The following XRN1 variants were observed in gnomAD, a reference collection of about 807,000 sequenced individuals.
The protein encoded by XRN1 is strand-exchange protein 1 homolog.
In XRN1, 67 loss-of-function variants were observed where a neutral mutation model predicts 222.3. The ratio of observed to expected loss-of-function variants is 0.30; its 90% CI spans 0.25 to 0.37. The LOEUF is 0.37. Ranked by LOEUF, XRN1 falls within the 10% of genes least tolerant of loss-of-function variation. The pLI, the probability that XRN1 is intolerant of heterozygous loss-of-function variation, is 1.00. For synonymous variants in XRN1, 643 were observed against 652.4 expected (o/e 0.99, Z 0.22); for missense variants, 1,707 against 2,000.2 (o/e 0.85, Z 2.80).
chr3:142,316,921 TAAG>T (rs2065226557), intron 39 of XRN1, among the ~76,000 whole-genome samples: 1 of 152,088 alleles, frequency 6.6e-6, no homozygotes, highest in South Asian at 2.1e-4. Flanking sequence ...AAAGGGTACA[TAAG>T]AAATAAATTT....
At chr3:142,344,187 T>C (rs961080994) in intron 33 of XRN1, among the ~76,000 whole-genome samples, 1 of 152,080 alleles carries the variant, frequency 6.6e-6, no homozygotes, top group African/African-American at 2.4e-5. Flanking sequence ...GGGGTGACTA[T>C]AATAAAAATA....
intron 22 of XRN1, among the ~76,000 whole-genome samples, chr3:142,381,515 A>T (rs2067302821): frequency 6.8e-6 from 1 of 147,840 alleles, no homozygotes; most frequent in South Asian, 2.1e-4. Context: ...TCTAAAATGT[A>T]TCCACTGCCT....
chr3:142,442,284 T>G (rs1316841653), intron 1 of XRN1, among the ~76,000 whole-genome samples: 2 of 152,110 alleles, frequency 1.3e-5, no homozygotes, highest in Non-Finnish European at 2.9e-5. Flanking sequence ...GTGGCAGTCT[T>G]ACACTGCCGG....
intron 37 of XRN1, among the ~76,000 whole-genome samples, chr3:142,324,085 GTTTT>G (rs548473423): frequency 1.9e-4 from 28 of 145,236 alleles, no homozygotes; most frequent in African/African-American, 5.0e-4. Flanking sequence ...TTTTTTTTCA[GTTTT>G]TTTTTTATTA....
chr3:142,428,310 G>A (rs112037494), intron 2 of XRN1, among the ~76,000 whole-genome samples: 19,605 of 148,844 alleles, frequency 0.13, 1,284 homozygotes, highest in African/African-American at 0.14. Context: ...CAGGAGATTC[G>A]CTTGAACCCA....
intron 35 of XRN1, among the ~76,000 whole-genome samples, 172 bp from the exon 36 acceptor site, chr3:142,332,706 T>C (rs897476324): frequency 1.3e-5 from 2 of 151,640 alleles, no homozygotes; most frequent in Non-Finnish European, 2.9e-5. Context: ...ACATTTCTGA[T>C]ACAGAAACGA....
At chr3:142,411,626 T>C (rs559568695) in intron 15 of XRN1, among the ~76,000 whole-genome samples, 58 of 152,174 alleles carry the variant, frequency 3.8e-4, no homozygotes, top group African/African-American at 1.2e-3. Flanking sequence ...TTATGATGTA[T>C]TGTATTTTAA....
intron 29 of XRN1, among the ~76,000 whole-genome samples, chr3:142,362,116 C>T (rs974417932): frequency 1.0e-4 from 15 of 150,460 alleles, no homozygotes; most frequent in Non-Finnish European, 1.9e-4. Flanking sequence ...TTACAGGTGC[C>T]GGCCACCATT....
At chr3:142,355,260 AG>A (rs199686713) in intron 32 of XRN1, 140 bp downstream of exon 32, 14,883 of 454,608 alleles carry the variant, frequency 0.033, 1,419 homozygotes, top group African/African-American at 0.24. Flanking sequence ...ATTTAAAAAA[AG>A]AAAAAGAAAA....
intron 37 of XRN1, among the ~76,000 whole-genome samples, chr3:142,324,939 C>G (rs938514242): frequency 5.3e-5 from 8 of 152,072 alleles, no homozygotes; most frequent in African/African-American, 1.9e-4. Context: ...TATATACACA[C>G]ACATCTTCTT....
rs2065627760 is a variant in XRN1 at position 142,329,480 on chromosome 3, A to C, written c.4358T>G (p.Leu1453Arg). ...GAAATCAGGTTGTGGCATTCCAACA[A>C]GGGAACAAATTCGAGAAAGTTCAGT... ...PVTELSRICS[L>R]VGMPQPDFSF... is the part of the protein sequence containing the mutation. The change falls in exon 37 of 41, where the codon CTT (leucine) becomes CGT (arginine). Residue 1453 changes from leucine (L) to arginine (R), a missense_variant. Transcript: ENST00000392981. The C allele has an allele frequency of 2.5e-6, 4 of 1,596,392 alleles. No homozygotes were observed. Among genetic ancestry groups the C allele is most frequent in the Non-Finnish European group, 3.4e-6 (4 of 1,173,432 alleles).
At chr3:142,398,453 A>G (rs987997929) in intron 19 of XRN1, among the ~76,000 whole-genome samples, 7 of 151,862 alleles carry the variant, frequency 4.6e-5, no homozygotes, top group Admixed American at 3.3e-4. Context: ...TGCAGCCTCA[A>G]ACTTCTGGGC....
At chr3:142,367,763 C>T (rs957750353) in intron 27 of XRN1, among the ~76,000 whole-genome samples, 2 of 151,912 alleles carry the variant, frequency 1.3e-5, no homozygotes, top group Admixed American at 1.3e-4. Context: ...AAACTCCTAA[C>T]CTCAAGTGAT....
Position 142,329,506 on chromosome 3 carries a change from T to C in XRN1, c.4332A>G (p.Val1444=), listed in dbSNP as rs143446304. 3.7e-4 allele frequency: 591 copies of C among 1,595,836 alleles called. 2 individuals carry two copies. The highest frequency in any genetic ancestry group is 4.9e-4 in the Non-Finnish European group (575 of 1,173,928). ...GGGAACAAATTCGAGAAAGTTCAGT[T>C]ACTGGTGTGGATACAGGAGGGATCT... ...PSQIPPVSTP[V]TELSRICSLV... is the part of the protein sequence containing the mutation. The change falls in exon 37 of 41, where the codon GTA becomes GTG. Residue 1444 remains valine (V), a synonymous_variant. Coordinates refer to ENST00000392981, the MANE Select transcript of XRN1 (RefSeq NM_001282857.2).
chr3:142,353,018 C>G (rs1408339985), intron 32 of XRN1, among the ~76,000 whole-genome samples: 1 of 152,184 alleles, frequency 6.6e-6, no homozygotes, highest in African/African-American at 2.4e-5. Context: ...TTCCTTTCCT[C>G]TTCCTTTCTT....
Position 142,426,799 on chromosome 3 carries a change from C to G in XRN1, c.351G>C (p.Glu117Asp). Residue 117 changes from glutamate to aspartate, a missense_variant, in exon 3 of 41, where the codon GAG (glutamate) becomes GAC (aspartate). This residue lies in a region of XRN1 where 1,234 missense variants were observed against 1,518.2 expected (regional missense o/e 0.81). Coordinates refer to ENST00000392981, the MANE Select transcript of XRN1 (RefSeq NM_001282857.2). ...EAEDKIKKAI[E>D]KGETLPTEAR... is the part of the protein sequence containing the mutation. The stretch of plus-strand genomic sequence containing the variant: ...CCTCTGTAGGAAGAGTTTCTCCCTT[C>G]TCTATTGCCTTTTTAATTTTGTCTT... 1 of 1,613,794 alleles carries G rather than the reference C, an allele frequency of 6.2e-7. No individual in the cohort carries two copies. Among genetic ancestry groups the G allele is most frequent in the Non-Finnish European group, 8.5e-7 (1 of 1,179,944 alleles).
chr3:142,387,844 G>A lies in XRN1; in HGVS notation c.2340-3159C>T, dbSNP rs112379268. On this transcript the variant is annotated intron_variant, in intron 20 of 40. Transcript: ENST00000392981. ...GGTTTATCACTCTACTAGTTCCCAT[G>A]AGAACTGACTGTTAAAAAGAACCTG... Among the ~76,000 whole-genome samples, 783 of 152,138 alleles carry A rather than the reference G, an allele frequency of 5.1e-3. 9 individuals are homozygous for A. The highest frequency in any genetic ancestry group is 0.018 in the African/African-American group (761 of 41,504).
At chr3:142,395,099 T>C (rs901449239) in intron 20 of XRN1, among the ~76,000 whole-genome samples, 1 of 152,206 alleles carries the variant, frequency 6.6e-6, no homozygotes, top group Admixed American at 6.5e-5. Flanking sequence ...GTTAGAGCCA[T>C]GGAATCCTCA....
intron 20 of XRN1, among the ~76,000 whole-genome samples, chr3:142,387,567 AT>A (rs1004422854): frequency 2.0e-5 from 3 of 152,114 alleles, no homozygotes; most frequent in African/African-American, 7.2e-5. Context: ...AGTCACATGA[AT>A]TTTTCTGTTT....
Sources: gnomAD v4.1 joint callset for allele counts (sites outside exome capture counted in the v4.1 genomes callset) on GRCh38, gnomAD v4.1.1 for gene constraint, gnomAD v4.1.1 regional missense constraint, MANE v1.5 for transcripts, NCBI Gene and HGNC (gene_info 2026-07-23, HGNC 2026-07-21) for gene names.